LRP1B: variants seen among roughly 807,000 people sequenced by gnomAD.
The protein encoded by LRP1B is LDL receptor related protein 1B.
LRP1B carries 217 observed loss-of-function variants against 556.6 expected under a neutral mutation model. The observed-to-expected ratio is 0.39, with a 90% CI of 0.35 to 0.44. The LOEUF is 0.44. Ranked by LOEUF, LRP1B falls within the 20% of genes least tolerant of loss-of-function variation. The pLI is 1.00. For synonymous variants in LRP1B, 2,047 were observed against 1,865.8 expected (o/e 1.10, Z -2.50); for missense variants, 5,053 against 5,620.8 (o/e 0.90, Z 3.23).
At chr2:141,264,615 C>A (rs574905608) in intron 3 of LRP1B, among the ~76,000 whole-genome samples, 1 of 151,926 alleles carries the variant, frequency 6.6e-6, no homozygotes, top group Non-Finnish European at 1.5e-5. Context: ...CCATCACACC[C>A]GGATAAATTT....
At chr2:141,291,879 A>AAC (rs1685977998) in intron 3 of LRP1B, among the ~76,000 whole-genome samples, 1 of 115,688 alleles carries the variant, frequency 8.6e-6, no homozygotes, top group Non-Finnish European at 1.9e-5. Flanking sequence ...AAAAAAAAAA[A>AAC]AAAAAAAAAA....
chr2:141,446,836 C>T (rs1681210883), intron 3 of LRP1B, among the ~76,000 whole-genome samples: 1 of 152,150 alleles, frequency 6.6e-6, no homozygotes, highest in African/African-American at 2.4e-5. Flanking sequence ...TCACTGGCTG[C>T]CTTTAATGTT....
At chr2:140,490,280 A>AT (rs1443039354) in intron 57 of LRP1B, among the ~76,000 whole-genome samples, 2 of 152,102 alleles carry the variant, frequency 1.3e-5, no homozygotes, top group African/African-American at 4.8e-5. Context: ...TACTTGATTA[A>AT]TTTTCATTCC....
chr2:140,811,628 G>A (rs6758409), intron 32 of LRP1B, among the ~76,000 whole-genome samples: 319 of 152,192 alleles, frequency 2.1e-3, no homozygotes, highest in African/African-American at 7.1e-3. Context: ...ATGATTTAGA[G>A]ACTGTTACAG....
chr2:140,381,504 C>G (rs1214979250), intron 67 of LRP1B, among the ~76,000 whole-genome samples: 1 of 152,034 alleles, frequency 6.6e-6, no homozygotes, highest in Non-Finnish European at 1.5e-5. Context: ...GATTGGCAAC[C>G]AAGAAGCTTT....
chr2:141,290,015 A>T (rs998995363), intron 3 of LRP1B, among the ~76,000 whole-genome samples: 3 of 152,170 alleles, frequency 2.0e-5, no homozygotes, highest in African/African-American at 7.2e-5. Flanking sequence ...CAGTCAATTT[A>T]TAAATTTGTA....
At chr2:140,786,126 G>T (rs1401315816) in intron 32 of LRP1B, among the ~76,000 whole-genome samples, 5 of 152,124 alleles carry the variant, frequency 3.3e-5, no homozygotes, top group Admixed American at 6.6e-5. Context: ...CCTGCCAAAG[G>T]CATGGCACAA....
chr2:141,586,669 G>A (rs367894469), intron 2 of LRP1B, among the ~76,000 whole-genome samples: 17 of 152,240 alleles, frequency 1.1e-4, no homozygotes, highest in African/African-American at 3.4e-4. Flanking sequence ...GGGGCCGGGC[G>A]CGGTGGCTCA....
chr2:141,602,028 C>T lies in LRP1B; in HGVS notation c.206-121495G>A, dbSNP rs145738230. ...CAAATTCCCAGGGAAATCTCTGTCA[C>T]TGGAGCAGAGCAAATGACTTGAATT... On this transcript the variant is annotated intron_variant, in intron 2 of 90. Transcript: ENST00000389484. Among the ~76,000 whole-genome samples the T allele has an allele frequency of 2.5e-3, 384 of 152,240 alleles. 2 individuals are homozygous for T. The highest frequency in any genetic ancestry group is 8.9e-3 in the African/African-American group (371 of 41,540).
intron 21 of LRP1B, among the ~76,000 whole-genome samples, chr2:140,908,547 AT>A (rs1275557528): frequency 6.6e-6 from 1 of 151,736 alleles, no homozygotes; most frequent in African/African-American, 2.4e-5. Context: ...TAAATGCCTC[AT>A]TTTAGCAAGA....
chr2:140,408,115 G>A (rs1684824107), intron 66 of LRP1B, among the ~76,000 whole-genome samples: 1 of 152,004 alleles, frequency 6.6e-6, no homozygotes, highest in Non-Finnish European at 1.5e-5. Flanking sequence ...CCTTATAAGT[G>A]GAAGCTAAGC....
At chr2:140,584,043 A>G (rs547781574) in intron 43 of LRP1B, among the ~76,000 whole-genome samples, 108 of 152,216 alleles carry the variant, frequency 7.1e-4, no homozygotes, top group African/African-American at 2.5e-3. Context: ...TTAAAATAAT[A>G]ATTAGTTTTA....
chr2:141,939,511 T>A (rs1249872462), intron 1 of LRP1B, among the ~76,000 whole-genome samples: 1 of 151,970 alleles, frequency 6.6e-6, no homozygotes, highest in Non-Finnish European at 1.5e-5. Context: ...ATTACAAAAT[T>A]TTCAGGAATG....
intron 41 of LRP1B, among the ~76,000 whole-genome samples, chr2:140,632,868 C>T (rs1050943503): frequency 2.6e-5 from 4 of 151,988 alleles, no homozygotes; most frequent in Admixed American, 2.6e-4. Flanking sequence ...TCGAGACCAT[C>T]CTGGATAACA....
At chr2:141,631,784 C>T (rs569341013) in intron 2 of LRP1B, among the ~76,000 whole-genome samples, 2 of 152,076 alleles carry the variant, frequency 1.3e-5, no homozygotes, top group Non-Finnish European at 2.9e-5. Context: ...TGGGATGCTG[C>T]CTGATTCATA....
intron 7 of LRP1B, among the ~76,000 whole-genome samples, chr2:141,095,110 T>C (rs1375258635): frequency 6.6e-6 from 1 of 152,092 alleles, no homozygotes; most frequent in Non-Finnish European, 1.5e-5. Flanking sequence ...TATCTCATGA[T>C]GACACAGCAA....
At chr2:141,478,189 C>T (rs1456733079) in intron 3 of LRP1B, among the ~76,000 whole-genome samples, 1 of 152,148 alleles carries the variant, frequency 6.6e-6, no homozygotes, top group Non-Finnish European at 1.5e-5. Context: ...ATGCTATTAA[C>T]ATATGCCCTC....
intron 7 of LRP1B, among the ~76,000 whole-genome samples, chr2:141,161,595 C>T (rs549620809): frequency 7.9e-5 from 12 of 152,056 alleles, no homozygotes; most frequent in Non-Finnish European, 1.5e-4. Flanking sequence ...TGGCAACTTG[C>T]GTTTTGTACT....
intron 2 of LRP1B, among the ~76,000 whole-genome samples, chr2:141,583,585 A>T (rs1687025699): frequency 6.6e-6 from 1 of 151,820 alleles, no homozygotes; most frequent in East Asian, 1.9e-4. Flanking sequence ...CTTACCTAAA[A>T]ACACTATGTT....
Sources: allele counts gnomAD v4.1 joint callset (sites outside exome capture counted in the v4.1 genomes callset), GRCh38; gene constraint gnomAD v4.1.1; transcripts MANE v1.5; gene names NCBI Gene and HGNC (gene_info 2026-07-23, HGNC 2026-07-21).